The following PACS2 variants were observed in gnomAD, a reference collection of about 807,000 sequenced individuals.
PACS2 encodes phosphofurin acidic cluster sorting protein 2, also known as PACS1-like protein.
Under a neutral mutation model 113.0 loss-of-function variants are expected in PACS2, and 36 were observed. That is an observed-to-expected ratio of 0.32 (90% CI 0.24 to 0.42). The LOEUF is 0.42. Ranked by LOEUF, PACS2 falls within the 10% of genes least tolerant of loss-of-function variation. PACS2 has a pLI of 1.00. For missense variants in PACS2, 1,015 were observed against 1,239.5 expected, an observed-to-expected ratio of 0.82 and a Z score of 2.72; for synonymous variants, 589 against 536.1, an observed-to-expected ratio of 1.10 and a Z score of -1.36.
chr14:105,348,354 C>G lies in PACS2; in HGVS notation c.120-139C>G. On this transcript the variant is annotated intron_variant, in intron 1 of 24. Coordinates refer to ENST00000447393, the MANE Select transcript of PACS2 (RefSeq NM_001100913.3). This position sits in a 1 kb window ranked among gnomAD's most constrained non-coding sequence, Gnocchi z 6.4. ...TGATGTCTTGGAGCCCTGTGAGGTC[C>G]TGGGGCCGCCCAGGCAGTCACACCC... 1 of 619,686 alleles carries G rather than the reference C, an allele frequency of 1.6e-6. No individual in the cohort carries two copies. The highest frequency in any genetic ancestry group is 1.9e-5 in the South Asian group (1 of 53,386). 38.4% of individuals were successfully genotyped at this position (619,686 alleles called of 1,614,324 possible). A position where few individuals can be genotyped will look rare whatever the true frequency, so the allele number is the denominator to read the frequency against.
intron 1 of PACS2, among the ~76,000 whole-genome samples, chr14:105,339,124 G>T (rs587748952): frequency 1.3e-5 from 2 of 152,346 alleles, no homozygotes; most frequent in Non-Finnish European, 2.9e-5. Context: ...GATGTTTATG[G>T]TGGTTCCCGT....
Position 105,317,210 on chromosome 14 carries a change from C to T in PACS2, c.119+2173C>T, listed in dbSNP as rs587656801. On this transcript the variant is annotated intron_variant, in intron 1 of 24. Transcript: ENST00000447393. This position sits in a 1 kb window ranked among gnomAD's most constrained non-coding sequence, Gnocchi z 4.2. ...GTACTATTCACTGGCGTGACAGTAC[C>T]TCGGCTTTGCTTCTGTCAAGGGACC... Among the ~76,000 whole-genome samples, 5 of 152,306 alleles carry T rather than the reference C, an allele frequency of 3.3e-5. No homozygotes were observed. The highest frequency in any genetic ancestry group is 7.3e-5 in the Non-Finnish European group (5 of 68,034).
intron 16 of PACS2, chr14:105,384,035 G>A (rs925940656): frequency 1.9e-5 from 7 of 375,502 alleles, no homozygotes; most frequent in African/African-American, 2.1e-5. Flanking sequence ...CACCTCTCCC[G>A]TGTGGCCCTC....
chr14:105,317,650 C>A lies in PACS2; in HGVS notation c.119+2613C>A, dbSNP rs1034207051. ...CTCTTTTTTTCTGCTTGAGTTTCAG[C>A]AGTTTCTTTAGAGATAGTCATCCTT... On this transcript the variant is annotated intron_variant, in intron 1 of 24. Transcript: ENST00000447393. This position sits in a 1 kb window ranked among gnomAD's most constrained non-coding sequence, Gnocchi z 4.2. 5.9e-5 allele frequency among the ~76,000 whole-genome samples: 9 copies of A among 151,976 alleles called. No homozygotes were observed. Among genetic ancestry groups the A allele is most frequent in the Admixed American group, 3.3e-4 (5 of 15,258 alleles).
chr14:105,318,339 G>A (rs865966946), intron 1 of PACS2, among the ~76,000 whole-genome samples: 1 of 152,142 alleles, frequency 6.6e-6, no homozygotes, highest in Non-Finnish European at 1.5e-5. Flanking sequence ...GGGGTGCAGT[G>A]GCTTGATCAT....
chr14:105,380,838 T>C, intron 11 of PACS2, 119 bp from the exon 12 acceptor site: 2 of 965,620 alleles, frequency 2.1e-6, no homozygotes, highest in Non-Finnish European at 3.0e-6. Context: ...GGTCCACATG[T>C]AGGAGCCACG....
intron 1 of PACS2, among the ~76,000 whole-genome samples, chr14:105,325,739 C>T (rs1025417384): frequency 2.6e-5 from 4 of 152,252 alleles, no homozygotes; most frequent in African/African-American, 9.6e-5. Flanking sequence ...GGATCCACAG[C>T]GAGGCAGACC....
chr14:105,302,943 CTT>C (rs60827892), intron 1 of PACS2, among the ~76,000 whole-genome samples: 16 of 146,772 alleles, frequency 1.1e-4, no homozygotes, highest in African/African-American at 7.4e-5. Context: ...TTCTCTAGTT[CTT>C]TTTTTTTTTT....
upstream of PACS2, among the ~76,000 whole-genome samples, chr14:105,309,496 A>G (rs894715793): frequency 6.6e-6 from 1 of 152,194 alleles, no homozygotes; most frequent in Admixed American, 6.5e-5. The surrounding 1 kb of genome is among the most constrained non-coding windows in gnomAD (Gnocchi z 4.0). Context: ...GCTGTTTGAA[A>G]TATCTCACAC....
At chr14:105,336,024 C>T (rs998087350) in intron 1 of PACS2, among the ~76,000 whole-genome samples, 3 of 152,224 alleles carry the variant, frequency 2.0e-5, no homozygotes, top group African/African-American at 7.2e-5. Flanking sequence ...TGACATTCCT[C>T]TGCCCAGGGG....
intron 8 of PACS2, chr14:105,372,535 A>ACTATTATTTACT (rs2061195398): frequency 2.6e-5 from 4 of 152,210 alleles, no homozygotes; most frequent in Non-Finnish European, 4.4e-5. Flanking sequence ...AAATAGATAA[A>ACTATTATTTACT]ATGGTAAATA....
At position 105,394,870 on chromosome 14, in the gene PACS2, C is replaced by G. The variant is rs1216567299; in HGVS notation, c.*198C>G. The G allele has an allele frequency of 1.8e-6, 1 of 565,908 alleles. No individual in the cohort carries two copies. Among genetic ancestry groups the G allele is most frequent in the Admixed American group, 3.0e-5 (1 of 33,868 alleles). The allele number at this position is 565,908 out of a possible 1,614,324, so 35.1% of individuals were successfully genotyped here. A position where few individuals can be genotyped will look rare whatever the true frequency, so the allele number is the denominator to read the frequency against. ...CGAATAACTGCTCTGCTTATTAACC[C>G]GAACGTTCGGCCCGGGGCTGGGAAG... On this transcript the variant is annotated 3_prime_UTR_variant, in exon 25 of 25. Transcript: ENST00000447393.
rs917172233 is a variant in PACS2, at chr14:105,356,627, G to A, written c.423+1450G>A. On this transcript the variant is annotated intron_variant, in intron 4 of 24. Transcript: ENST00000447393. The surrounding 1 kb of genome is among the most constrained non-coding windows in gnomAD (Gnocchi z 4.0). ...TGGAGCAGGAGGGTCCAGGCACTGTGGGGAGGTCATGCAGGCTCTGTTTCC... is the reference window on the plus strand; with the variant it reads ...TGGAGCAGGAGGGTCCAGGCACTGTAGGGAGGTCATGCAGGCTCTGTTTCC... 1.8e-4 allele frequency among the ~76,000 whole-genome samples: 27 copies of A among 152,188 alleles called. No homozygotes were observed. The highest frequency in any genetic ancestry group is 6.5e-4 in the African/African-American group (27 of 41,426).
At position 105,307,519 on chromosome 14, in the gene PACS2, A is replaced by AT. The variant is rs1296458011; in HGVS notation, c.-83+6541dup. On this transcript the variant is annotated intron_variant, in intron 1 of 23. Transcript: ENST00000430725. ...CCCCTCCTCCTGGGAACTGTGAGTA[A>AT]TAAACTCCTCTTTCAAAGGCGGTTG... 5.3e-5 allele frequency among the ~76,000 whole-genome samples: 8 copies of AT among 152,214 alleles called. No homozygotes were observed. In the East Asian group the frequency reaches 1.5e-3, roughly 29 times the overall value.
intron 9 of PACS2, among the ~76,000 whole-genome samples, chr14:105,378,127 T>A (rs74588480): frequency 0.031 from 4,713 of 152,312 alleles, 253 homozygotes; most frequent in African/African-American, 0.11. Flanking sequence ...TCCTGCCTCA[T>A]CTCTTCTGCC....
At chr14:105,349,807 C>CT (rs2060086709) in intron 2 of PACS2, among the ~76,000 whole-genome samples, 1 of 152,126 alleles carries the variant, frequency 6.6e-6, no homozygotes, top group Admixed American at 6.5e-5. Flanking sequence ...GAGCGTGTGG[C>CT]TAATAGCAGG....
At chr14:105,372,362 T>A (rs2061187663) in intron 8 of PACS2, 1 of 152,200 alleles carries the variant, frequency 6.6e-6, no homozygotes, top group Non-Finnish European at 1.5e-5. Flanking sequence ...AAATATCTTT[T>A]CGCAAAAAAA....
At chr14:105,313,190 C>T (rs1482619823), upstream of PACS2, among the ~76,000 whole-genome samples, 4 of 152,204 alleles carry the variant, frequency 2.6e-5, no homozygotes, top group Non-Finnish European at 4.4e-5. Flanking sequence ...GTCAGGCGGC[C>T]CATCCGTCTG....
chr14:105,361,983 T>C (rs2060702570), intron 4 of PACS2, among the ~76,000 whole-genome samples: 2 of 149,490 alleles, frequency 1.3e-5, no homozygotes, highest in Non-Finnish European at 3.0e-5. Flanking sequence ...ATTAGTGGAG[T>C]GTGGTGGCAG....
Sources: gnomAD v4.1 joint callset for allele counts (sites outside exome capture counted in the v4.1 genomes callset) on GRCh38, gnomAD v4.1.1 for gene constraint, Gnocchi (gnomAD v3.1) non-coding constraint, MANE v1.5 for transcripts, NCBI Gene and HGNC (gene_info 2026-07-23, HGNC 2026-07-21) for gene names.